Variants in PFAS observed in about 807,000 individuals in gnomAD.
PFAS encodes the protein FGAM synthase.
A neutral mutation model predicts 140.6 loss-of-function variants in PFAS; 97 were observed. That is an observed-to-expected ratio of 0.69 (90% CI 0.59 to 0.82). The LOEUF (loss-of-function observed/expected upper bound fraction) is 0.82. PFAS is among the 40% of genes least tolerant of loss of function. The pLI, the probability that PFAS is intolerant of heterozygous loss-of-function variation, is 0.00. For missense variants in PFAS, 1,656 were observed against 1,780.2 expected, an observed-to-expected ratio of 0.93 and a Z score of 1.26; for synonymous variants, 679 against 718.8, an observed-to-expected ratio of 0.94 and a Z score of 0.88.
In PFAS at chr17:8,264,243, T is replaced by A. The variant is rs150201499; in HGVS notation, c.1823T>A (p.Val608Asp). The A allele has an allele frequency of 1.2e-6, 2 of 1,613,918 alleles. No homozygotes were observed. The highest frequency in any genetic ancestry group is 2.7e-5 in the African/African-American group (2 of 74,906). The change falls in exon 16 of 28, where the codon GTC (valine) becomes GAC (aspartate). Residue 608 changes from valine to aspartate, a missense_variant. Physicochemically the swap from Val to Asp is radical, Grantham distance 152. Coordinates refer to ENST00000314666, the MANE Select transcript of PFAS (RefSeq NM_012393.3). ...CTGGTGGACGATCGGGAGTGTCCTG[T>A]CAGAAGAAATGGCCAGGGGGATGCC... ...IVLVDDRECP[V>D]RRNGQGDAPP... is the part of the protein sequence containing the mutation.
chr17:8,263,763 G>T lies in PFAS; in HGVS notation c.1630-12G>T, dbSNP rs144431012. On this transcript the variant is annotated splice_polypyrimidine_tract_variant and intron_variant, in intron 14 of 27. Transcript: ENST00000314666. Reference sequence around the variant, plus strand: ...CTGGCCCTTCTCTTTCCTCCCCGCCGTGGCTGTGCAGCTTGGGGACCCAAC... The same window carrying T: ...CTGGCCCTTCTCTTTCCTCCCCGCCTTGGCTGTGCAGCTTGGGGACCCAAC... The T allele has an allele frequency of 1.9e-6, 3 of 1,612,378 alleles. No homozygotes were observed. Among genetic ancestry groups the T allele is most frequent in the South Asian group, 2.2e-5 (2 of 91,012 alleles).
intron 26 of PFAS, among the ~76,000 whole-genome samples, chr17:8,268,122 C>T (rs1006606439): frequency 5.1e-4 from 74 of 145,076 alleles, no homozygotes; most frequent in African/African-American, 1.5e-3. Flanking sequence ...AGTGCAATGG[C>T]GCAATCTTGG....
Position 8,266,528 on chromosome 17 carries a change from C to T in PFAS, c.2821+175C>T. Reference sequence around the variant, plus strand: ...GAACTGGATGGAACTGGCTGACACCCACCATGTTCCTGACTGCACCCCTCT... The same window carrying T: ...GAACTGGATGGAACTGGCTGACACCTACCATGTTCCTGACTGCACCCCTCT... On this transcript the variant is annotated intron_variant, in intron 22 of 27. Transcript: ENST00000314666. The surrounding 1 kb of genome is among the most constrained non-coding windows in gnomAD (Gnocchi z 5.0). 1 of 1,454,386 alleles carries T rather than the reference C, an allele frequency of 6.9e-7. No individual in the cohort carries two copies. The highest frequency in any genetic ancestry group is 9.0e-7 in the Non-Finnish European group (1 of 1,107,162). The allele number at this position is 1,454,386 out of a possible 1,614,324, so 90.1% of individuals were successfully genotyped here.
chr17:8,259,612 G>A (rs1989512090), intron 11 of PFAS, among the ~76,000 whole-genome samples: 1 of 151,438 alleles, frequency 6.6e-6, no homozygotes, highest in African/African-American at 2.4e-5. Flanking sequence ...TCAGACCCCT[G>A]TCTCTAAAAA....
Position 8,256,874 on chromosome 17 carries a change from G to C in PFAS, c.986G>C (p.Gly329Ala). ...AGTGGTGCAACCACTGGCACAGGGG[G>C]CCGGATTCGAGATGTCCAGTGCACA... ...PFSGATTGTGGRIRDVQCTGR... is the reference protein window; with the variant it reads ...PFSGATTGTGARIRDVQCTGR... The change falls in exon 9 of 28, where the codon GGC becomes GCC. Residue 329 changes from glycine (G) to alanine (A), a missense_variant. Physicochemically the swap from Gly to Ala is moderately conservative, Grantham distance 60 (BLOSUM62 0). Coordinates refer to ENST00000314666, the MANE Select transcript of PFAS (RefSeq NM_012393.3). 6.2e-7 allele frequency: 1 copy of C among 1,613,290 alleles called. No homozygotes were observed. The highest frequency in any genetic ancestry group is 8.5e-7 in the Non-Finnish European group (1 of 1,179,554).
In PFAS at chr17:8,267,606, T is replaced by G; in HGVS notation, c.3323T>G (p.Phe1108Cys). ...LCSGAIGLDT[F>C]RGVAFVGGFS... ...TCTGGGGCAATTGGGCTGGACACTT[T>G]CCGTGGCGTGGCCTTCGTGGGCGGC... Residue 1108 changes from phenylalanine to cysteine, a missense_variant, in exon 26 of 28, where the codon TTC becomes TGC. Physicochemically the swap from Phe to Cys is radical, Grantham distance 205. This residue lies in a region of PFAS where 883 missense variants were observed against 1,023.0 expected (regional missense o/e 0.86). Transcript: ENST00000314666. The surrounding 1 kb of genome is among the most constrained non-coding windows in gnomAD (Gnocchi z 4.9). 1 of 1,613,732 alleles carries G rather than the reference T, an allele frequency of 6.2e-7. No homozygotes were observed. The highest frequency in any genetic ancestry group is 8.5e-7 in the Non-Finnish European group (1 of 1,179,638).
At position 8,253,967 on chromosome 17, in the gene PFAS, T is replaced by A; in HGVS notation, c.30T>A (p.Arg10=). MSPVLHFYV[R]PSGHEGAAPG... ...CCCCAGTCCTTCACTTCTATGTTCG[T>A]CCCTCTGGCCATGAGGGGGCAGCCC... The change falls in exon 2 of 28, where the codon CGT becomes CGA. Residue 10 remains arginine, a synonymous_variant. Transcript: ENST00000314666. 2 of 1,614,018 alleles carry A rather than the reference T, an allele frequency of 1.2e-6. No individual in the cohort carries two copies. Among genetic ancestry groups the A allele is most frequent in the Non-Finnish European group, 1.7e-6 (2 of 1,179,962 alleles).
At position 8,269,880 on chromosome 17, in the gene PFAS, C is replaced by CT. The variant is rs911838363; in HGVS notation, c.*633dup. Reference sequence around the variant, plus strand: ...TATTTGCTTCTAAATTAGCAGCTCTCTTTTTTTTTTTTTTTTTGAGGCAGT... The same window carrying CT: ...TATTTGCTTCTAAATTAGCAGCTCTCTTTTTTTTTTTTTTTTTTGAGGCAGT... On this transcript the variant is annotated 3_prime_UTR_variant, in exon 28 of 28. Transcript: ENST00000314666. 1,481 of 138,874 alleles carry CT rather than the reference C, an allele frequency of 0.011. 13 individuals are homozygous for CT. The highest frequency in any genetic ancestry group is 0.019 in the East Asian group (93 of 4,866). The allele number at this position is 138,874 out of a possible 1,614,324, so 8.6% of individuals were successfully genotyped here.
rs974202184 is a variant in PFAS, at chr17:8,254,017, A to G, written c.80A>G (p.Gln27Arg). The G allele has an allele frequency of 2.1e-5, 34 of 1,614,094 alleles. No homozygotes were observed. Among genetic ancestry groups the G allele is most frequent in the Non-Finnish European group, 2.8e-5 (33 of 1,179,966 alleles). Residue 27 changes from glutamine to arginine, a missense_variant, in exon 2 of 28, where the codon CAA (glutamine) becomes CGA (arginine). Physicochemically the swap from Gln to Arg is conservative, Grantham distance 43 (BLOSUM62 1). Transcript: ENST00000314666. ...AAPGHTRRKL[Q>R]GKLPELQGVE... ...CCTGGACACACTCGGAGGAAACTGC[A>G]AGGGAAACTGCCAGAGCTGCAGGGC...
chr17:8,268,895 G>A, intron 27 of PFAS, 39 bp downstream of exon 27: 1 of 1,611,910 alleles, frequency 6.2e-7, no homozygotes, highest in Non-Finnish European at 8.5e-7. Context: ...CCCGAGGGTT[G>A]GGGGCAAGGG....
rs1345666153 is a variant in PFAS, at chr17:8,263,071, A to G, written c.1411-38A>G. 5 of 1,612,266 alleles carry G rather than the reference A, an allele frequency of 3.1e-6. No homozygotes were observed. The South Asian group carries it at 4.4e-5, about 14-fold the overall frequency. On this transcript the variant is annotated intron_variant, in intron 12 of 27. Coordinates refer to ENST00000314666, the MANE Select transcript of PFAS (RefSeq NM_012393.3). ...CATAGGGGAGCGTATAGGAGCTTCC[A>G]GTCTCGCTGAGCTGAGCTATGCCAT...
Position 8,263,285 on chromosome 17 carries a change from C to T in PFAS, c.1567+20C>T. Reference sequence around the variant, plus strand: ...GCAATGGTGAGGAAAGGAGTTGGAACAAGAGACTGGGCCTGCCTGGTATCC... The same window carrying T: ...GCAATGGTGAGGAAAGGAGTTGGAATAAGAGACTGGGCCTGCCTGGTATCC... On this transcript the variant is annotated intron_variant, in intron 13 of 27. Transcript: ENST00000314666. 1 of 1,613,588 alleles carries T rather than the reference C, an allele frequency of 6.2e-7. No individual in the cohort carries two copies. Among genetic ancestry groups the T allele is most frequent in the South Asian group, 1.1e-5 (1 of 91,076 alleles).
chr17:8,259,908 C>A (rs1168944206), intron 11 of PFAS, among the ~76,000 whole-genome samples: 1 of 152,194 alleles, frequency 6.6e-6, no homozygotes, highest in Non-Finnish European at 1.5e-5. Flanking sequence ...CAAGACCAGC[C>A]TGGCCAACAT....
At position 8,251,455 on chromosome 17, in the gene PFAS, AT is replaced by A. The variant is rs1020160362; in HGVS notation, c.-80+2127del. Among the ~76,000 whole-genome samples the A allele has an allele frequency of 3.0e-4, 44 of 145,152 alleles. 1 individual carries two copies. The highest frequency in any genetic ancestry group is 9.5e-4 in the African/African-American group (38 of 39,848). ...TGCCACCATGCCCCACTAATTTTTA[AT>A]TTTTTTTTTTATAAAGACAGGGTCT... On this transcript the variant is annotated intron_variant, in intron 1 of 27. Coordinates refer to ENST00000314666, the MANE Select transcript of PFAS (RefSeq NM_012393.3).
At position 8,265,269 on chromosome 17, in the gene PFAS, G is replaced by A. The variant is rs749663535; in HGVS notation, c.2281-19G>A. 11 of 1,608,276 alleles carry A rather than the reference G, an allele frequency of 6.8e-6. 1 individual carries two copies. In the South Asian group the frequency reaches 1.1e-4, roughly 16 times the overall value. On this transcript the variant is annotated intron_variant, in intron 18 of 27. Transcript: ENST00000314666. ...CACATTTCTCTTCCCCTCTAATGCTGTGCCTCTGCCACCCCCAGGATGTGA... is the reference window on the plus strand; with the variant it reads ...CACATTTCTCTTCCCCTCTAATGCTATGCCTCTGCCACCCCCAGGATGTGA...
In PFAS at chr17:8,265,581, C is replaced by G. The variant is rs112610020; in HGVS notation, c.2487C>G (p.Ala829=). ...APGSLVISAY[A]VCPDITATVT... ...GGTCACTGGTCATCTCAGCCTATGCCGTCTGCCCAGACATCACAGCCACTG... is the reference window on the plus strand; with the variant it reads ...GGTCACTGGTCATCTCAGCCTATGCGGTCTGCCCAGACATCACAGCCACTG... Residue 829 remains alanine (A), a synonymous_variant, in exon 20 of 28, where the codon GCC becomes GCG. Transcript: ENST00000314666. 9 of 1,614,026 alleles carry G rather than the reference C, an allele frequency of 5.6e-6. No individual in the cohort carries two copies. The African/African-American group carries it at 1.1e-4, about 19-fold the overall frequency.
chr17:8,268,809 G>A lies in PFAS; in HGVS notation c.3659G>A (p.Arg1220Gln), dbSNP rs147542135. 1.4e-4 allele frequency: 221 copies of A among 1,608,032 alleles called. No individual in the cohort carries two copies. In the East Asian group the frequency reaches 4.1e-3, roughly 30 times the overall value. ...GGGCCTGGGCCAGCCCTGATGCTGCGAGGGATGGAGGGCGCCGTGCTGCCC... is the reference window on the plus strand; with the variant it reads ...GGGCCTGGGCCAGCCCTGATGCTGCAAGGGATGGAGGGCGCCGTGCTGCCC... ...RVGPGPALML[R>Q]GMEGAVLPVW... The change falls in exon 27 of 28, where the codon CGA (arginine) becomes CAA (glutamine). Residue 1220 changes from arginine to glutamine, a missense_variant. This residue lies in a region of PFAS where 883 missense variants were observed against 1,023.0 expected (regional missense o/e 0.86). Transcript: ENST00000314666.
At chr17:8,265,700 T>G (rs999673210) in intron 20 of PFAS, 61 bp downstream of exon 20, 3 of 1,492,576 alleles carry the variant, frequency 2.0e-6, no homozygotes, top group Non-Finnish European at 9.4e-7. Flanking sequence ...TGGCTCCTGC[T>G]TTGTGAGTGC....
At position 8,254,019 on chromosome 17, in the gene PFAS, G is replaced by A; in HGVS notation, c.82G>A (p.Gly28Arg). Residue 28 changes from glycine to arginine, a missense_variant, in exon 2 of 28, where the codon GGG becomes AGG. By Grantham distance (125) the Gly-to-Arg change is moderately radical (BLOSUM62 -2). Coordinates refer to ENST00000314666, the MANE Select transcript of PFAS (RefSeq NM_012393.3). ...TGGACACACTCGGAGGAAACTGCAAGGGAAACTGCCAGAGCTGCAGGGCGT... is the reference window on the plus strand; with the variant it reads ...TGGACACACTCGGAGGAAACTGCAAAGGAAACTGCCAGAGCTGCAGGGCGT... The part of the protein sequence containing the change: ...APGHTRRKLQ[G>R]KLPELQGVET... 6.2e-7 allele frequency: 1 copy of A among 1,614,098 alleles called. No homozygotes were observed. The highest frequency in any genetic ancestry group is 8.5e-7 in the Non-Finnish European group (1 of 1,179,960).
Sources: gnomAD v4.1 joint callset for allele counts (sites outside exome capture counted in the v4.1 genomes callset) on GRCh38, gnomAD v4.1.1 for gene constraint, gnomAD v4.1.1 regional missense constraint, Gnocchi (gnomAD v3.1) non-coding constraint, MANE v1.5 for transcripts, NCBI Gene and HGNC (gene_info 2026-07-23, HGNC 2026-07-21) for gene names.